Variants in GPC5 observed in about 807,000 individuals in gnomAD.
GPC5 encodes glypican-5.
Under a neutral mutation model 53.9 loss-of-function variants are expected in GPC5, and 47 were observed. The observed-to-expected ratio is 0.87, with a 90% confidence interval of 0.69 to 1.11. The LOEUF is 1.11. Ranked by LOEUF, GPC5 falls within the 50% of genes most tolerant of loss-of-function variation. The pLI, the probability that GPC5 is intolerant of heterozygous loss-of-function variation, is 0.00. For missense variants in GPC5, 748 were observed against 713.1 expected (o/e 1.05, Z -0.56); for synonymous variants, 286 against 263.3 (o/e 1.09, Z -0.84).
At chr13:91,862,049 T>G (rs2039035742) in intron 5 of GPC5, among the ~76,000 whole-genome samples, 2 of 152,094 alleles carry the variant, frequency 1.3e-5, no homozygotes, top group Admixed American at 6.5e-5. Flanking sequence ...TTTTAAATTT[T>G]AATAGTTTCC....
intron 7 of GPC5, among the ~76,000 whole-genome samples, chr13:92,507,885 A>AT (rs1880429988): frequency 6.6e-6 from 1 of 152,120 alleles, no homozygotes; most frequent in East Asian, 1.9e-4. Context: ...TTATGAAACC[A>AT]TTTTATGTAT....
At chr13:92,482,242 C>T (rs1879385780) in intron 7 of GPC5, among the ~76,000 whole-genome samples, 2 of 152,152 alleles carry the variant, frequency 1.3e-5, no homozygotes, top group Non-Finnish European at 2.9e-5. Context: ...ACATTTCAAA[C>T]GTGTCTTATG....
At chr13:91,575,839 T>G (rs2139054173) in intron 2 of GPC5, among the ~76,000 whole-genome samples, 1 of 152,262 alleles carries the variant, frequency 6.6e-6, no homozygotes, top group Admixed American at 6.5e-5. Flanking sequence ...TTTAAAAAAC[T>G]TTTTATACTA....
chr13:92,421,463 G>A (rs1208672950), intron 7 of GPC5, among the ~76,000 whole-genome samples: 22 of 152,122 alleles, frequency 1.4e-4, no homozygotes, highest in Admixed American at 1.4e-3. Context: ...ACTTTGGGAG[G>A]CCGAGGCGGG....
At chr13:91,419,124 C>A (rs1013912658) in intron 1 of GPC5, among the ~76,000 whole-genome samples, 1 of 152,006 alleles carries the variant, frequency 6.6e-6, no homozygotes, top group African/African-American at 2.4e-5. Flanking sequence ...TATAAAACTT[C>A]AAGAATAGCT....
chr13:92,337,118 C>T lies in GPC5; in HGVS notation c.1561+192129C>T, dbSNP rs139560502. On this transcript the variant is annotated intron_variant, in intron 7 of 7. Transcript: ENST00000377067. ...TGGGTGGAGACACAGTCAGACGATA[C>T]CACCTTCCTGTATAGCTCTAGTGAA... Among the ~76,000 whole-genome samples the T allele has an allele frequency of 1.2e-3, 175 of 151,840 alleles. 3 individuals carry two copies. In the East Asian group the frequency reaches 0.018, roughly 16 times the overall value.
intron 6 of GPC5, among the ~76,000 whole-genome samples, chr13:92,036,282 GA>G (rs372737561): frequency 6.6e-6 from 1 of 152,072 alleles, no homozygotes; most frequent in African/African-American, 2.4e-5. Context: ...TCTATAATTG[GA>G]TGCAAAATAA....
At chr13:92,004,486 ATAT>A in intron 6 of GPC5, among the ~76,000 whole-genome samples, 2 of 125,092 alleles carry the variant, frequency 1.6e-5, no homozygotes, top group Admixed American at 8.0e-5. Flanking sequence ...ATATATATAT[ATAT>A]AATTACACTA....
chr13:91,599,382 C>A (rs973433186), intron 2 of GPC5, among the ~76,000 whole-genome samples: 4 of 151,954 alleles, frequency 2.6e-5, no homozygotes, highest in African/African-American at 9.7e-5. Context: ...ATATTTTTAT[C>A]TTATCATAAA....
At chr13:92,557,364 G>A (rs2139024095) in intron 7 of GPC5, among the ~76,000 whole-genome samples, 1 of 151,976 alleles carries the variant, frequency 6.6e-6, no homozygotes, top group South Asian at 2.1e-4. Context: ...AGGAGCACTG[G>A]TAAGCCTTTT....
intron 1 of GPC5, among the ~76,000 whole-genome samples, chr13:91,407,076 T>C (rs1220485786): frequency 2.0e-5 from 3 of 152,256 alleles, no homozygotes; most frequent in Non-Finnish European, 2.9e-5. Flanking sequence ...TAAATAGTGA[T>C]TTGTAGAATT....
chr13:92,257,546 A>ATGTTTTTTTTTTTTTTTTT (rs2042735128), intron 7 of GPC5, among the ~76,000 whole-genome samples: 1 of 72,966 alleles, frequency 1.4e-5, no homozygotes, highest in Admixed American at 1.9e-4. Flanking sequence ...TAATACAGGG[A>ATGTTTTTTTTTTTTTTTTT]TTTTTTTTTT....
At chr13:92,510,393 G>C (rs1880522336) in intron 7 of GPC5, among the ~76,000 whole-genome samples, 1 of 152,142 alleles carries the variant, frequency 6.6e-6, no homozygotes, top group Non-Finnish European at 1.5e-5. Flanking sequence ...ACATCGAAGG[G>C]AATGATGGGG....
chr13:92,151,569 T>G (rs2041907791), intron 7 of GPC5, among the ~76,000 whole-genome samples: 1 of 152,308 alleles, frequency 6.6e-6, no homozygotes, highest in African/African-American at 2.4e-5. Context: ...AACTTTGGTA[T>G]CAGTCTCTGA....
Position 92,178,894 on chromosome 13 carries a change from C to T in GPC5, c.1561+33905C>T, listed in dbSNP as rs139652356. The stretch of plus-strand genomic sequence containing the variant: ...GCTGAAGCAGGAGAATCGCTTGAAC[C>T]CAGGAGGTGGAGGTTGCAGTGAGCC... On this transcript the variant is annotated intron_variant, in intron 7 of 7. Coordinates refer to ENST00000377067, the MANE Select transcript of GPC5 (RefSeq NM_004466.6). Among the ~76,000 whole-genome samples the T allele has an allele frequency of 4.8e-3, 736 of 152,156 alleles. 8 individuals carry two copies. Among genetic ancestry groups the T allele is most frequent in the African/African-American group, 0.016 (679 of 41,502 alleles).
intron 7 of GPC5, among the ~76,000 whole-genome samples, chr13:92,784,203 C>A (rs1213945116): frequency 6.6e-6 from 1 of 151,980 alleles, no homozygotes; most frequent in Admixed American, 6.6e-5. Context: ...GAAAATCAGT[C>A]CAAAAAGTAG....
chr13:92,549,741 A>G (rs937842008), intron 7 of GPC5, among the ~76,000 whole-genome samples: 1 of 151,912 alleles, frequency 6.6e-6, no homozygotes, highest in Non-Finnish European at 1.5e-5. Flanking sequence ...GTATCCTTCC[A>G]TTTTACATCC....
chr13:92,248,843 T>C (rs1473446411), intron 7 of GPC5, among the ~76,000 whole-genome samples: 1 of 152,048 alleles, frequency 6.6e-6, no homozygotes. Flanking sequence ...TTATTCATTA[T>C]TTTCACTTCT....
chr13:91,546,527 A>T (rs2030298314), intron 2 of GPC5, among the ~76,000 whole-genome samples: 1 of 152,086 alleles, frequency 6.6e-6, no homozygotes, highest in African/African-American at 2.4e-5. Context: ...CAATTTTTTA[A>T]AATTTTTTCT....
Sources: allele counts gnomAD v4.1 joint callset (sites outside exome capture counted in the v4.1 genomes callset), GRCh38; gene constraint gnomAD v4.1.1; transcripts MANE v1.5; gene names NCBI Gene and HGNC (gene_info 2026-07-23, HGNC 2026-07-21).